The following EFNA5 variants were observed in gnomAD, a reference collection of about 807,000 sequenced individuals.
EFNA5 encodes the protein ephrin A5.
A neutral mutation model predicts 22.9 loss-of-function variants in EFNA5; 5 were observed. The ratio of observed to expected loss-of-function variants is 0.22; its 90% CI spans 0.11 to 0.46. The LOEUF (loss-of-function observed/expected upper bound fraction) is 0.46, where lower values mean the gene tolerates loss of function less well. EFNA5 is among the 20% of genes least tolerant of loss of function. EFNA5 has a pLI of 0.99. For missense variants in EFNA5, 237 were observed against 293.3 expected, an observed-to-expected ratio of 0.81 and a Z score of 1.40; for synonymous variants, 113 against 112.2, an observed-to-expected ratio of 1.01 and a Z score of -0.04.
chr5:107,609,935 C>A (rs774097318), intron 1 of EFNA5, among the ~76,000 whole-genome samples: 4 of 152,118 alleles, frequency 2.6e-5, no homozygotes, highest in Non-Finnish European at 2.9e-5. Context: ...ATTATATTAT[C>A]ATTTAATTGT....
intron 1 of EFNA5, among the ~76,000 whole-genome samples, chr5:107,441,382 A>G (rs1307027008): frequency 6.6e-6 from 1 of 152,162 alleles, no homozygotes; most frequent in African/African-American, 2.4e-5. Context: ...TGAAGCATGC[A>G]CTAATATTCA....
chr5:107,476,058 T>TATATATATATATATATATATA, intron 1 of EFNA5, among the ~76,000 whole-genome samples: 1 of 41,078 alleles, frequency 2.4e-5, no homozygotes, highest in Non-Finnish European at 4.4e-5. Flanking sequence ...ATATATATAT[T>TATATATATATATATATATATA]TTTTTTTTTT....
chr5:107,516,428 A>G (rs1388455355), intron 1 of EFNA5, among the ~76,000 whole-genome samples: 3 of 152,132 alleles, frequency 2.0e-5, no homozygotes, highest in African/African-American at 7.2e-5. Flanking sequence ...ATGAAAGGAA[A>G]TGACTTGGGC....
intron 1 of EFNA5, among the ~76,000 whole-genome samples, chr5:107,513,755 G>A (rs1205449969): frequency 1.3e-5 from 2 of 152,172 alleles, no homozygotes; most frequent in African/African-American, 4.8e-5. Context: ...GCTCTTCACT[G>A]AGATACTGGG....
At chr5:107,514,312 C>T (rs1021856881) in intron 1 of EFNA5, among the ~76,000 whole-genome samples, 2 of 152,174 alleles carry the variant, frequency 1.3e-5, no homozygotes, top group Admixed American at 6.5e-5. Flanking sequence ...GGGAATTCAA[C>T]AGAGATCCAT....
intron 2 of EFNA5, among the ~76,000 whole-genome samples, chr5:107,399,025 CA>C (rs1561369391): frequency 6.6e-6 from 1 of 152,050 alleles, no homozygotes; most frequent in Non-Finnish European, 1.5e-5. Flanking sequence ...CTCCCCTGCC[CA>C]CACTGCTGGC....
intron 1 of EFNA5, among the ~76,000 whole-genome samples, chr5:107,662,529 C>T (rs983347743): frequency 1.3e-5 from 2 of 151,908 alleles, no homozygotes; most frequent in African/African-American, 4.8e-5. Flanking sequence ...TCCAGAAATA[C>T]AAAACATGAC....
chr5:107,402,964 C>A (rs1051234865), intron 2 of EFNA5, among the ~76,000 whole-genome samples: 5 of 152,174 alleles, frequency 3.3e-5, no homozygotes, highest in African/African-American at 1.2e-4. Flanking sequence ...TAAAACTCTT[C>A]TTCTGTCTGT....
chr5:107,454,139 G>C (rs1479856028), intron 1 of EFNA5, among the ~76,000 whole-genome samples: 2 of 152,044 alleles, frequency 1.3e-5, no homozygotes, highest in Non-Finnish European at 2.9e-5. Flanking sequence ...CAATCTAAAG[G>C]AAATGCTGAT....
chr5:107,496,902 G>C (rs556615872), intron 1 of EFNA5, among the ~76,000 whole-genome samples: 17 of 152,302 alleles, frequency 1.1e-4, no homozygotes, highest in Admixed American at 2.6e-4. Flanking sequence ...TCATGTGTTT[G>C]GCTCCTAGGA....
chr5:107,432,747 C>T (rs567990434), intron 1 of EFNA5, among the ~76,000 whole-genome samples: 7 of 152,214 alleles, frequency 4.6e-5, no homozygotes, highest in Admixed American at 4.6e-4. Flanking sequence ...GGCTGCATGG[C>T]CACTTAGGTC....
At chr5:107,417,552 T>C (rs942923917) in intron 2 of EFNA5, among the ~76,000 whole-genome samples, 2 of 152,098 alleles carry the variant, frequency 1.3e-5, no homozygotes, top group Admixed American at 1.3e-4. Context: ...ACTAAAATAA[T>C]GAATGATAAT....
intron 1 of EFNA5, among the ~76,000 whole-genome samples, chr5:107,498,954 A>ATGT (rs1158439500): frequency 4.4e-5 from 6 of 135,516 alleles, no homozygotes; most frequent in South Asian, 2.5e-4. Context: ...TTATGTATAT[A>ATGT]AGTATGTATG....
intron 2 of EFNA5, among the ~76,000 whole-genome samples, chr5:107,417,914 G>A (rs965213699): frequency 6.6e-6 from 1 of 152,184 alleles, no homozygotes; most frequent in Non-Finnish European, 1.5e-5. Flanking sequence ...AGATGAGTGG[G>A]AAAGTCTGTA....
At chr5:107,607,760 G>A (rs940232319) in intron 1 of EFNA5, among the ~76,000 whole-genome samples, 3 of 152,004 alleles carry the variant, frequency 2.0e-5, no homozygotes, top group Middle Eastern at 3.2e-3. Flanking sequence ...TAGGAGGGAG[G>A]AAAGCAAAAA....
chr5:107,526,737 G>C (rs1747701837), intron 1 of EFNA5, among the ~76,000 whole-genome samples: 2 of 152,158 alleles, frequency 1.3e-5, no homozygotes, highest in African/African-American at 4.8e-5. Context: ...ATCAGAAGGA[G>C]AGCAAATTCC....
chr5:107,476,137 C>T (rs1389688955), intron 1 of EFNA5, among the ~76,000 whole-genome samples: 1 of 142,042 alleles, frequency 7.0e-6, no homozygotes, highest in Non-Finnish European at 1.5e-5. Flanking sequence ...CTGCAACCTC[C>T]GCCTCCCAAG....
At chr5:107,478,465 T>A (rs1750370127) in intron 1 of EFNA5, among the ~76,000 whole-genome samples, 1 of 152,176 alleles carries the variant, frequency 6.6e-6, no homozygotes, top group African/African-American at 2.4e-5. Flanking sequence ...TACACAGATG[T>A]CGGGAGAGCA....
At chr5:107,584,798 G>A (rs1352564588) in intron 1 of EFNA5, among the ~76,000 whole-genome samples, 3 of 152,176 alleles carry the variant, frequency 2.0e-5, no homozygotes, top group Non-Finnish European at 2.9e-5. Context: ...ACAAATGAAC[G>A]AATGAACCCA....
Sources: allele counts gnomAD v4.1 joint callset (sites outside exome capture counted in the v4.1 genomes callset), GRCh38; gene constraint gnomAD v4.1.1; transcripts MANE v1.5; gene names NCBI Gene and HGNC (gene_info 2026-07-23, HGNC 2026-07-21).